The following TRPC4 variants were observed in gnomAD, a reference collection of about 807,000 sequenced individuals.
TRPC4 encodes short transient receptor potential channel 4.
In TRPC4, 49 loss-of-function variants were observed where a neutral mutation model predicts 99.4. The observed-to-expected ratio is 0.49, with a 90% CI of 0.39 to 0.63. TRPC4 has a LOEUF of 0.63. Among genes scored for constraint, TRPC4 ranks in the 20% least tolerant of loss-of-function variants. The pLI is 0.00. For synonymous variants in TRPC4, 454 were observed against 425.9 expected (o/e 1.07, Z -0.81); for missense variants, 898 against 1,152.9 (o/e 0.78, Z 3.20).
chr13:37,820,219 A>G (rs1593254395), intron 1 of TRPC4, among the ~76,000 whole-genome samples: 2 of 152,176 alleles, frequency 1.3e-5, no homozygotes, highest in East Asian at 3.9e-4. Flanking sequence ...TCCTGGAAAC[A>G]CGCAACCTCC....
intron 6 of TRPC4, among the ~76,000 whole-genome samples, chr13:37,655,676 T>C (rs1204472356): frequency 1.3e-5 from 2 of 152,114 alleles, no homozygotes; most frequent in Non-Finnish European, 1.5e-5. Flanking sequence ...TCTATATCCA[T>C]AAATAAAATT....
chr13:37,700,791 G>A (rs1954079640), intron 3 of TRPC4, among the ~76,000 whole-genome samples: 1 of 152,084 alleles, frequency 6.6e-6, no homozygotes, highest in South Asian at 2.1e-4. Flanking sequence ...TGTTTCAAAT[G>A]TGTTAGGTCC....
intron 3 of TRPC4, among the ~76,000 whole-genome samples, chr13:37,696,740 C>G (rs1228164736): frequency 6.6e-6 from 1 of 152,132 alleles, no homozygotes; most frequent in Non-Finnish European, 1.5e-5. Flanking sequence ...CCAGTATGCT[C>G]TGGGTATTAC....
Position 37,692,188 on chromosome 13 carries a change from T to C in TRPC4, c.1045A>G (p.Ile349Val). 3 of 1,614,058 alleles carry C rather than the reference T, an allele frequency of 1.9e-6. No homozygotes were observed. The highest frequency in any genetic ancestry group is 2.2e-5 in the East Asian group (1 of 44,844). Reference sequence around the variant, plus strand: ...AGTCCAAGTGGGCTTTTGGGAGCTATCAGGTAGCACACAGAGAAGACAGGA... The same window carrying C: ...AGTCCAAGTGGGCTTTTGGGAGCTACCAGGTAGCACACAGAGAAGACAGGA... ...LFPVFSVCYLIAPKSPLGLFI... is the reference protein window; with the variant it reads ...LFPVFSVCYLVAPKSPLGLFI... Residue 349 changes from isoleucine to valine, a missense_variant, in exon 4 of 11, where the codon ATA becomes GTA. By Grantham distance (29) the Ile-to-Val change is conservative. Transcript: ENST00000379705.
chr13:37,745,459 T>TATATATATATATATATGC (rs1955724169), intron 3 of TRPC4, among the ~76,000 whole-genome samples: 47 of 86,838 alleles, frequency 5.4e-4, no homozygotes, highest in South Asian at 4.1e-3. Context: ...TATATATATA[T>TATATATATATATATATGC]ATATATATAT....
At chr13:37,656,793 T>TAAACTCGG (rs1185760778) in intron 6 of TRPC4, among the ~76,000 whole-genome samples, 2 of 152,102 alleles carry the variant, frequency 1.3e-5, no homozygotes, top group Non-Finnish European at 2.9e-5. Flanking sequence ...AGGCAATAAG[T>TAAACTCGG]AAACTCGGAA....
chr13:37,860,051 A>G (rs1051635528), intron 1 of TRPC4, among the ~76,000 whole-genome samples: 1 of 151,366 alleles, frequency 6.6e-6, no homozygotes, highest in Non-Finnish European at 1.5e-5. Flanking sequence ...AATATTTTGC[A>G]TTGTTTTGTG....
At chr13:37,831,364 T>C (rs926453887) in intron 1 of TRPC4, among the ~76,000 whole-genome samples, 5 of 152,200 alleles carry the variant, frequency 3.3e-5, no homozygotes, top group Non-Finnish European at 7.3e-5. Flanking sequence ...GAATATCAAT[T>C]ATCAAAATGA....
chr13:37,726,521 C>T (rs892710202), intron 3 of TRPC4, among the ~76,000 whole-genome samples: 2 of 151,720 alleles, frequency 1.3e-5, no homozygotes, highest in Non-Finnish European at 2.9e-5. Flanking sequence ...AAGGTAATTA[C>T]AAAAAACAGC....
rs75358315 is a variant in TRPC4, at chr13:37,757,914, G to A, written c.379-11459C>T. 0.012 allele frequency among the ~76,000 whole-genome samples: 1,788 copies of A among 151,924 alleles called. 62 individuals are homozygous for A. In the East Asian group the frequency reaches 0.12, roughly 10 times the overall value. On this transcript the variant is annotated intron_variant, in intron 2 of 10. Coordinates refer to ENST00000379705, the MANE Select transcript of TRPC4 (RefSeq NM_016179.4). ...ATTCTGGGGAAATCCCAAATTGGTG[G>A]GTAGGGTTCAAGGTTGGAAATTTTC...
intron 1 of TRPC4, among the ~76,000 whole-genome samples, chr13:37,839,300 G>A (rs914218228): frequency 2.6e-5 from 4 of 152,080 alleles, no homozygotes; most frequent in African/African-American, 9.7e-5. Context: ...AAGGACTATA[G>A]TAAAGGTGAT....
intron 3 of TRPC4, among the ~76,000 whole-genome samples, chr13:37,711,723 G>C (rs1954492247): frequency 6.6e-6 from 1 of 151,780 alleles, no homozygotes; most frequent in African/African-American, 2.4e-5. Context: ...TGTTTGCCTT[G>C]ACCAGTAAAC....
intron 3 of TRPC4, among the ~76,000 whole-genome samples, chr13:37,705,719 T>C (rs1232811132): frequency 1.3e-5 from 2 of 152,150 alleles, no homozygotes; most frequent in Non-Finnish European, 2.9e-5. Context: ...CATATTTACC[T>C]GCATCTTTCT....
chr13:37,648,728 A>G (rs1593429523), intron 8 of TRPC4, among the ~76,000 whole-genome samples: 2 of 152,226 alleles, frequency 1.3e-5, no homozygotes, highest in African/African-American at 2.4e-5. Flanking sequence ...ACTTTAATAG[A>G]AAAGCCAATT....
Position 37,745,926 on chromosome 13 carries a change from G to A in TRPC4, c.897+11C>T, listed in dbSNP as rs772664243. 5 of 1,603,530 alleles carry A rather than the reference G, an allele frequency of 3.1e-6. No individual in the cohort carries two copies. The highest frequency in any genetic ancestry group is 1.1e-5 in the South Asian group (1 of 89,636). ...ATGGCATTTTGATGGATCAAGTCTGGCAACACTCACCTCTTTTTGACGGTA... is the reference window on the plus strand; with the variant it reads ...ATGGCATTTTGATGGATCAAGTCTGACAACACTCACCTCTTTTTGACGGTA... On this transcript the variant is annotated intron_variant, in intron 3 of 10. Coordinates refer to ENST00000379705, the MANE Select transcript of TRPC4 (RefSeq NM_016179.4).
intron 1 of TRPC4, among the ~76,000 whole-genome samples, chr13:37,805,234 A>G (rs1430934767): frequency 1.3e-5 from 2 of 151,968 alleles, no homozygotes; most frequent in African/African-American, 4.8e-5. Context: ...AGTATCTATT[A>G]TTTTGGGATG....
chr13:37,717,363 A>G (rs992334892), intron 3 of TRPC4, among the ~76,000 whole-genome samples: 2 of 152,176 alleles, frequency 1.3e-5, no homozygotes, highest in Admixed American at 6.5e-5. Context: ...AGGAAGAGGA[A>G]TGGACATAGG....
At chr13:37,859,735 G>A (rs1959214323) in intron 1 of TRPC4, among the ~76,000 whole-genome samples, 1 of 151,212 alleles carries the variant, frequency 6.6e-6, no homozygotes, top group South Asian at 2.1e-4. Context: ...GTACTAAAGA[G>A]AACTCTTAAT....
intron 6 of TRPC4, among the ~76,000 whole-genome samples, chr13:37,662,072 G>T (rs1223283725): frequency 6.6e-6 from 1 of 152,094 alleles, no homozygotes; most frequent in Non-Finnish European, 1.5e-5. Flanking sequence ...ACTTTGGGAG[G>T]CTGTGGTGGG....
Sources: allele counts gnomAD v4.1 joint callset (sites outside exome capture counted in the v4.1 genomes callset), GRCh38; gene constraint gnomAD v4.1.1; transcripts MANE v1.5; gene names NCBI Gene and HGNC (gene_info 2026-07-23, HGNC 2026-07-21).